The following SBF2 variants were observed in gnomAD, a reference collection of about 807,000 sequenced individuals.
SBF2 encodes myotubularin-related protein 13.
A neutral mutation model predicts 225.2 loss-of-function variants in SBF2; 112 were observed. The observed-to-expected ratio is 0.50, with a 90% CI of 0.43 to 0.58. SBF2 has a LOEUF of 0.58. Ranked by LOEUF, SBF2 falls within the 20% of genes least tolerant of loss-of-function variation. SBF2 has a pLI of 0.00. For missense variants in SBF2, 1,996 were observed against 2,206.2 expected (o/e 0.90, Z 1.91); for synonymous variants, 763 against 773.3 (o/e 0.99, Z 0.22).
intron 2 of SBF2, among the ~76,000 whole-genome samples, chr11:10,072,911 TATC>T (rs1331946956): frequency 1.5e-4 from 13 of 87,870 alleles, no homozygotes; most frequent in Middle Eastern, 5.1e-3. Flanking sequence ...TTATTATTAT[TATC>T]ATCATCATCA....
At chr11:10,304,431 C>G (rs527892138) in intron 1 of SBF2, among the ~76,000 whole-genome samples, 1 of 152,358 alleles carries the variant, frequency 6.6e-6, no homozygotes, top group East Asian at 1.9e-4. Context: ...ATAATTCCCC[C>G]CTCCAAATCC....
chr11:10,017,317 A>T (rs1254220790), intron 6 of SBF2, among the ~76,000 whole-genome samples: 1 of 152,242 alleles, frequency 6.6e-6, no homozygotes, highest in Non-Finnish European at 1.5e-5. Flanking sequence ...ACCATGTTTC[A>T]AAACAGAATA....
intron 1 of SBF2, among the ~76,000 whole-genome samples, chr11:10,252,268 C>G (rs568580774): frequency 6.6e-6 from 1 of 152,226 alleles, no homozygotes; most frequent in South Asian, 2.1e-4. Flanking sequence ...GTCAATCTCT[C>G]AAAATTGAGA....
intron 1 of SBF2, among the ~76,000 whole-genome samples, chr11:10,227,638 G>A (rs140002856): frequency 0.073 from 11,157 of 152,180 alleles, 595 homozygotes; most frequent in East Asian, 0.29. Flanking sequence ...TTGTAGATAT[G>A]CGGCATTATT....
At chr11:10,043,618 A>C (rs902217284) in intron 2 of SBF2, among the ~76,000 whole-genome samples, 1 of 152,126 alleles carries the variant, frequency 6.6e-6, no homozygotes, top group African/African-American at 2.4e-5. Context: ...TTCATCACCC[A>C]GGCTGCAGTG....
At chr11:10,066,344 CTA>C (rs568742709) in intron 2 of SBF2, among the ~76,000 whole-genome samples, 2 of 149,744 alleles carry the variant, frequency 1.3e-5, no homozygotes, top group South Asian at 2.1e-4. Flanking sequence ...ATATCTATAT[CTA>C]TATATATATA....
intron 16 of SBF2, among the ~76,000 whole-genome samples, chr11:9,929,928 G>A (rs1420198686): frequency 6.6e-6 from 1 of 151,956 alleles, no homozygotes; most frequent in Non-Finnish European, 1.5e-5. Flanking sequence ...TAATAAAGAT[G>A]TGTTTTCATT....
At chr11:9,923,514 T>A (rs1863794328) in intron 16 of SBF2, among the ~76,000 whole-genome samples, 3 of 152,232 alleles carry the variant, frequency 2.0e-5, no homozygotes, top group African/African-American at 7.2e-5. Flanking sequence ...GTTTACTACA[T>A]TTGTGAAATT....
intron 1 of SBF2, among the ~76,000 whole-genome samples, chr11:10,241,738 G>A (rs1490038698): frequency 6.6e-6 from 1 of 151,960 alleles, no homozygotes; most frequent in Non-Finnish European, 1.5e-5. Flanking sequence ...AATCCGAGAA[G>A]CAGATATCTA....
intron 2 of SBF2, among the ~76,000 whole-genome samples, chr11:10,071,552 C>T (rs571659197): frequency 9.9e-4 from 150 of 152,264 alleles, no homozygotes; most frequent in Non-Finnish European, 1.8e-3. Flanking sequence ...AGGTGTGAGC[C>T]GCCGTGCCCG....
intron 1 of SBF2, among the ~76,000 whole-genome samples, chr11:10,253,604 C>T (rs1329956083): frequency 1.3e-5 from 2 of 152,140 alleles, no homozygotes; most frequent in Non-Finnish European, 2.9e-5. Flanking sequence ...GTCTGCATTA[C>T]TTTTTGCTAA....
intron 2 of SBF2, among the ~76,000 whole-genome samples, chr11:10,125,809 T>A (rs1231683556): frequency 2.0e-5 from 3 of 152,256 alleles, no homozygotes; most frequent in Non-Finnish European, 2.9e-5. Context: ...TGCTCTGTGA[T>A]AATTTCTCAG....
intron 1 of SBF2, among the ~76,000 whole-genome samples, chr11:10,216,661 A>C (rs1958143250): frequency 6.6e-6 from 1 of 152,084 alleles, no homozygotes; most frequent in Non-Finnish European, 1.5e-5. Flanking sequence ...CTTGAGGTCA[A>C]GAGTTCGAGA....
At chr11:9,910,742 T>C (rs1224696894) in intron 16 of SBF2, among the ~76,000 whole-genome samples, 10 of 151,894 alleles carry the variant, frequency 6.6e-5, no homozygotes, top group Non-Finnish European at 1.2e-4. Context: ...TCTACTTTTC[T>C]ATTAAAAATA....
chr11:9,950,165 C>T (rs1430135677), intron 16 of SBF2, among the ~76,000 whole-genome samples: 1 of 151,876 alleles, frequency 6.6e-6, no homozygotes, highest in African/African-American at 2.4e-5. Context: ...AAAAAAGTGT[C>T]CTGAGATCAT....
chr11:9,841,912 T>C (rs372684141), intron 25 of SBF2, among the ~76,000 whole-genome samples: 23 of 152,254 alleles, frequency 1.5e-4, no homozygotes, highest in African/African-American at 5.5e-4. Context: ...GTTTCTTTTT[T>C]AAAATGTTGT....
chr11:10,070,150 C>A lies in SBF2; in HGVS notation c.142-27169G>T, dbSNP rs540873426. On this transcript the variant is annotated intron_variant, in intron 2 of 39. Coordinates refer to ENST00000256190, the MANE Select transcript of SBF2 (RefSeq NM_030962.4). The stretch of plus-strand genomic sequence containing the variant: ...TAGTTTCTTTTGCTGGGCAGAAGCT[C>A]TTTAGTTTAATTAGATCCCATTTGT... Among the ~76,000 whole-genome samples the A allele has an allele frequency of 2.0e-5, 3 of 152,260 alleles. No individual in the cohort carries two copies. In the South Asian group the frequency reaches 6.2e-4, roughly 32 times the overall value.
chr11:10,177,015 T>G (rs1956495996), intron 2 of SBF2, among the ~76,000 whole-genome samples: 1 of 151,898 alleles, frequency 6.6e-6, no homozygotes, highest in Admixed American at 6.6e-5. Flanking sequence ...GCTTCATCCC[T>G]GGGATGCAAG....
upstream of SBF2, among the ~76,000 whole-genome samples, chr11:10,295,555 G>T (rs1187085955): frequency 6.6e-6 from 1 of 151,480 alleles, no homozygotes; most frequent in African/African-American, 2.4e-5. Flanking sequence ...AAACGTGGAG[G>T]GAAGATAGTT....
Sources: allele counts gnomAD v4.1 joint callset (sites outside exome capture counted in the v4.1 genomes callset), GRCh38; gene constraint gnomAD v4.1.1; transcripts MANE v1.5; gene names NCBI Gene and HGNC (gene_info 2026-07-23, HGNC 2026-07-21).